TENM2: variants seen among roughly 807,000 people sequenced by gnomAD.
The protein encoded by TENM2 is teneurin transmembrane protein 2.
Under a neutral mutation model 245.2 loss-of-function variants are expected in TENM2, and 52 were observed. That is an observed-to-expected ratio of 0.21 (90% confidence interval 0.17 to 0.27). TENM2 has a LOEUF of 0.27. Among genes scored for constraint, TENM2 ranks in the 10% least tolerant of loss-of-function variants. TENM2 has a pLI of 1.00. For missense variants in TENM2, 3,046 were observed against 3,666.8 expected (o/e 0.83, Z 4.37); for synonymous variants, 1,363 against 1,438.9 (o/e 0.95, Z 1.19).
At chr5:168,006,434 C>A (rs904948612) in intron 5 of TENM2, among the ~76,000 whole-genome samples, 2 of 152,176 alleles carry the variant, frequency 1.3e-5, no homozygotes, top group Admixed American at 1.3e-4. Context: ...TGATTTGGGG[C>A]TTTAATGCCT....
intron 2 of TENM2, among the ~76,000 whole-genome samples, chr5:167,834,177 C>A (rs1768762234): frequency 6.6e-6 from 1 of 152,180 alleles, no homozygotes; most frequent in Non-Finnish European, 1.5e-5. Flanking sequence ...TAGAGAGTAA[C>A]AGGTACTTTA....
chr5:167,482,470 C>T (rs1767815162), intron 2 of TENM2, among the ~76,000 whole-genome samples: 1 of 152,044 alleles, frequency 6.6e-6, no homozygotes, highest in Non-Finnish European at 1.5e-5. Flanking sequence ...ATTATGCTGA[C>T]TAATTTATTT....
the TENM2 span, among the ~76,000 whole-genome samples, chr5:167,020,189 T>TG: frequency 6.6e-6 from 1 of 152,180 alleles, no homozygotes; most frequent in African/African-American, 2.4e-5. Flanking sequence ...CAAACACTTT[T>TG]GGAACATAAC....
intron 2 of TENM2, among the ~76,000 whole-genome samples, chr5:167,765,537 C>T (rs1762957867): frequency 6.6e-6 from 1 of 152,234 alleles, no homozygotes; most frequent in Middle Eastern, 3.4e-3. Flanking sequence ...GTGTAAAATG[C>T]AATATTTTGG....
the TENM2 span, among the ~76,000 whole-genome samples, chr5:167,078,292 T>A: frequency 6.6e-6 from 1 of 152,210 alleles, no homozygotes; most frequent in East Asian, 1.9e-4. Flanking sequence ...GAGACCAGCC[T>A]GACCAACATG....
At chr5:168,170,349 C>T (rs1758693155) in intron 13 of TENM2, among the ~76,000 whole-genome samples, 1 of 152,116 alleles carries the variant, frequency 6.6e-6, no homozygotes, top group African/African-American at 2.4e-5. Context: ...ACTAAAAATA[C>T]AAAAATTAGC....
chr5:167,577,452 A>G (rs2127673587), intron 2 of TENM2, among the ~76,000 whole-genome samples: 1 of 152,258 alleles, frequency 6.6e-6, no homozygotes, highest in East Asian at 1.9e-4. Flanking sequence ...TTTAACACCT[A>G]TTTATTTCTC....
At chr5:168,235,020 G>A (rs1765298892) in intron 25 of TENM2, among the ~76,000 whole-genome samples, 1 of 152,304 alleles carries the variant, frequency 6.6e-6, no homozygotes, top group East Asian at 1.9e-4. Context: ...CAGTGACAGA[G>A]GAGGGAGGTG....
At chr5:167,280,796 A>ATCTATCTG (rs1561832846), upstream of TENM2, among the ~76,000 whole-genome samples, 11 of 149,580 alleles carry the variant, frequency 7.4e-5, no homozygotes, top group South Asian at 2.1e-4. Flanking sequence ...CTATCTATCT[A>ATCTATCTG]TCTATCTATC....
At chr5:167,811,499 G>A (rs557327689) in intron 2 of TENM2, among the ~76,000 whole-genome samples, 7 of 152,170 alleles carry the variant, frequency 4.6e-5, no homozygotes, top group East Asian at 1.9e-4. Flanking sequence ...CAGGTGCCAC[G>A]CTTCTTGTAC....
the TENM2 span, among the ~76,000 whole-genome samples, chr5:167,010,031 C>A: frequency 6.6e-6 from 1 of 152,070 alleles, no homozygotes; most frequent in Non-Finnish European, 1.5e-5. Context: ...ACATGAACCA[C>A]GAACCATAGG....
At chr5:168,260,387 G>C in exon 28 of TENM2, 1 of 1,613,936 alleles carries the variant, frequency 6.2e-7, no homozygotes, top group South Asian at 1.1e-5. Flanking sequence ...TGAATTGTCA[G>C]AGAGTCAAGC....
intron 2 of TENM2, among the ~76,000 whole-genome samples, chr5:167,811,340 C>G (rs367553173): frequency 7.9e-5 from 12 of 151,994 alleles, no homozygotes; most frequent in African/African-American, 2.7e-4. Context: ...AGTGAGTTCT[C>G]ATGAGATCTG....
At chr5:168,021,747 G>A (rs1215815333) in intron 5 of TENM2, among the ~76,000 whole-genome samples, 1 of 150,376 alleles carries the variant, frequency 6.6e-6, no homozygotes, top group Non-Finnish European at 1.5e-5. Flanking sequence ...GATTTTTTAA[G>A]AAACAGACTG....
intron 2 of TENM2, among the ~76,000 whole-genome samples, chr5:167,426,683 G>T (rs576006497): frequency 3.6e-4 from 54 of 151,980 alleles, no homozygotes; most frequent in African/African-American, 1.3e-3. Flanking sequence ...GAACTGATCT[G>T]TCAGATCTAT....
chr5:167,873,950 A>G (rs1309657314), intron 2 of TENM2, among the ~76,000 whole-genome samples: 3 of 152,028 alleles, frequency 2.0e-5, no homozygotes, highest in Admixed American at 2.0e-4. Context: ...CTTTAAGAGT[A>G]TCTCATCTCC....
chr5:167,111,943 T>C, the TENM2 span, among the ~76,000 whole-genome samples: 3 of 152,216 alleles, frequency 2.0e-5, no homozygotes, highest in African/African-American at 7.2e-5. Context: ...ATTTGTTCAC[T>C]TGGCCATATG....
chr5:167,058,491 G>T, the TENM2 span, among the ~76,000 whole-genome samples: 2 of 152,264 alleles, frequency 1.3e-5, no homozygotes, highest in East Asian at 3.9e-4. Flanking sequence ...AGGTATGATG[G>T]CTTATGCCTG....
At chr5:167,434,773 A>C (rs2127448973) in intron 2 of TENM2, among the ~76,000 whole-genome samples, 1 of 152,354 alleles carries the variant, frequency 6.6e-6, no homozygotes, top group South Asian at 2.1e-4. Flanking sequence ...TTAAAATATT[A>C]GAATATACAG....
Sources: allele counts gnomAD v4.1 joint callset (sites outside exome capture counted in the v4.1 genomes callset), GRCh38; gene constraint gnomAD v4.1.1; transcripts MANE v1.5; gene names NCBI Gene and HGNC (gene_info 2026-07-23, HGNC 2026-07-21).